Variants in ABTB2 observed in about 807,000 individuals in gnomAD.
ABTB2 encodes the protein ankyrin repeat and BTB domain containing 2, also known as ankyrin repeat and BTB/POZ domain-containing protein 2.
ABTB2 carries 56 observed loss-of-function variants against 104.1 expected under a neutral mutation model. That is an observed-to-expected ratio of 0.54 (90% CI 0.43 to 0.67). ABTB2 has a LOEUF of 0.67. Among genes scored for constraint, ABTB2 ranks in the 30% least tolerant of loss-of-function variants. The pLI is 0.00. For synonymous variants in ABTB2, 606 were observed against 608.2 expected, an observed-to-expected ratio of 1.00 and a Z score of 0.05; for missense variants, 1,279 against 1,407.7, an observed-to-expected ratio of 0.91 and a Z score of 1.46.
At chr11:34,199,325 C>G (rs1459386761) in intron 2 of ABTB2, among the ~76,000 whole-genome samples, 1 of 152,132 alleles carries the variant, frequency 6.6e-6, no homozygotes, top group African/African-American at 2.4e-5. Flanking sequence ...CCTCACTCCT[C>G]CCTACTCCTG....
At chr11:34,348,723 A>G (rs144018649) in intron 1 of ABTB2, among the ~76,000 whole-genome samples, 4 of 152,254 alleles carry the variant, frequency 2.6e-5, no homozygotes, top group African/African-American at 7.2e-5. Flanking sequence ...CTTCCAGAGG[A>G]GCTGGGAGGA....
At chr11:34,298,095 T>C (rs949200365) in intron 1 of ABTB2, among the ~76,000 whole-genome samples, 3 of 151,728 alleles carry the variant, frequency 2.0e-5, no homozygotes, top group Non-Finnish European at 2.9e-5. Flanking sequence ...GTTTTTTTTT[T>C]TTTTTAAATA....
intron 1 of ABTB2, among the ~76,000 whole-genome samples, chr11:34,342,520 T>C (rs888868494): frequency 2.0e-5 from 3 of 152,236 alleles, no homozygotes; most frequent in African/African-American, 4.8e-5. Flanking sequence ...GGCTGTGTCA[T>C]TGACTAGCTA....
At chr11:34,304,395 GC>G (rs1368143603) in intron 1 of ABTB2, among the ~76,000 whole-genome samples, 1 of 152,204 alleles carries the variant, frequency 6.6e-6, no homozygotes, top group Non-Finnish European at 1.5e-5. Flanking sequence ...ACAGGTGTAA[GC>G]CATTGCACCT....
intron 1 of ABTB2, among the ~76,000 whole-genome samples, chr11:34,304,301 G>T (rs1020804631): frequency 3.3e-5 from 5 of 152,142 alleles, no homozygotes; most frequent in African/African-American, 1.2e-4. Flanking sequence ...ATGGAGAACA[G>T]GATCTCACTA....
intron 4 of ABTB2, among the ~76,000 whole-genome samples, chr11:34,172,373 A>T (rs1198910396): frequency 5.6e-4 from 8 of 14,202 alleles, no homozygotes; most frequent in Admixed American, 4.2e-3. Context: ...CTCTGTCTCA[A>T]AAAAAAAAAA....
In ABTB2 at chr11:34,230,591, C is replaced by T. The variant is rs145829748; in HGVS notation, c.884-25901G>A. On this transcript the variant is annotated intron_variant, in intron 1 of 16. Coordinates refer to ENST00000435224, the MANE Select transcript of ABTB2 (RefSeq NM_145804.3). ...GTTGCCCCCTTACAGTCCCTAAATG[C>T]TGATGGCCCCTTCCTAAAGCATCTG... 2.6e-5 allele frequency among the ~76,000 whole-genome samples: 4 copies of T among 152,230 alleles called. No individual in the cohort carries two copies. The East Asian group carries it at 7.7e-4, about 29-fold the overall frequency.
At chr11:34,170,688 C>T (rs1039434531) in intron 5 of ABTB2, among the ~76,000 whole-genome samples, 3 of 152,192 alleles carry the variant, frequency 2.0e-5, no homozygotes, top group Admixed American at 6.5e-5. Flanking sequence ...GCCAGGGAAG[C>T]GGAAGCCACA....
intron 3 of ABTB2, among the ~76,000 whole-genome samples, chr11:34,185,197 T>C (rs1814471473): frequency 6.6e-6 from 1 of 152,212 alleles, no homozygotes; most frequent in African/African-American, 2.4e-5. Flanking sequence ...TAGAAACTTC[T>C]AGGAAGAAGC....
intron 3 of ABTB2, among the ~76,000 whole-genome samples, chr11:34,192,093 C>T (rs180727714): frequency 2.0e-5 from 3 of 152,274 alleles, no homozygotes; most frequent in Admixed American, 2.0e-4. Flanking sequence ...GATTTTGAGA[C>T]CAACCTGGGC....
chr11:34,283,264 G>A (rs897747469), intron 1 of ABTB2, among the ~76,000 whole-genome samples: 1 of 152,048 alleles, frequency 6.6e-6, no homozygotes, highest in African/African-American at 2.4e-5. Flanking sequence ...AACCCAGGCT[G>A]GAGTGCAGTG....
chr11:34,283,117 A>C, intron 1 of ABTB2, among the ~76,000 whole-genome samples: 1 of 143,318 alleles, frequency 7.0e-6, no homozygotes, highest in African/African-American at 2.6e-5. Flanking sequence ...ATGGGGTTTC[A>C]CAGTGTTAGC....
At chr11:34,316,558 C>G (rs146743625) in intron 1 of ABTB2, among the ~76,000 whole-genome samples, 2 of 152,228 alleles carry the variant, frequency 1.3e-5, no homozygotes, top group East Asian at 3.9e-4. Flanking sequence ...GAGTGGCAAA[C>G]GTGTTTGTCG....
Position 34,204,566 on chromosome 11 carries a change from G to C in ABTB2, c.1008C>G (p.Cys336Trp). Residue 336 changes from cysteine (C) to tryptophan (W), a missense_variant, in exon 2 of 17, where the codon TGC becomes TGG. Physicochemically the swap from Cys to Trp is radical, Grantham distance 215 (BLOSUM62 -2). Coordinates refer to ENST00000435224, the MANE Select transcript of ABTB2 (RefSeq NM_145804.3). ...TACTCAGCTCCGAGATGCTGCCCAC[G>C]CAGGTGGCCAGGAGGGACTGCTCCA... ...RTLEQSLLATCVGSISELSDL... is the reference protein window; with the variant it reads ...RTLEQSLLATWVGSISELSDL... The C allele has an allele frequency of 6.2e-7, 1 of 1,612,340 alleles. No homozygotes were observed.
At chr11:34,210,841 G>A (rs1362778993) in intron 1 of ABTB2, among the ~76,000 whole-genome samples, 2 of 152,194 alleles carry the variant, frequency 1.3e-5, no homozygotes, top group African/African-American at 2.4e-5. Context: ...TTAGGTGCGC[G>A]GGAAGCTTGG....
rs1295682440 is a variant in ABTB2, at chr11:34,171,074, G to A, written c.1398-3C>T. 3 of 1,613,666 alleles carry A rather than the reference G, an allele frequency of 1.9e-6. No homozygotes were observed. Among genetic ancestry groups the A allele is most frequent in the Non-Finnish European group, 2.5e-6 (3 of 1,179,780 alleles). ...AGGAACTGAAACAGTGTTCGGGTCT[G>A]CCCAGAAGAGACCCAAAGGTGCGTG... On this transcript the variant is annotated splice_region_variant and splice_polypyrimidine_tract_variant and intron_variant, in intron 4 of 16. Transcript: ENST00000435224.
At chr11:34,218,624 C>T (rs2092639) in intron 1 of ABTB2, among the ~76,000 whole-genome samples, 116,076 of 151,734 alleles carry the variant, frequency 0.76, 44,851 homozygotes, top group East Asian at 0.86. Context: ...CTGAGGTGGG[C>T]AGATCACCTG....
At chr11:34,260,673 G>A (rs977218455) in intron 1 of ABTB2, among the ~76,000 whole-genome samples, 10 of 152,208 alleles carry the variant, frequency 6.6e-5, no homozygotes, top group African/African-American at 2.4e-4. Flanking sequence ...TTATCTCACA[G>A]GTTTTCTTAA....
At chr11:34,152,666 A>C in intron 16 of ABTB2, 82 bp from the exon 17 acceptor site, 5 of 1,348,122 alleles carry the variant, frequency 3.7e-6, no homozygotes, top group Non-Finnish European at 5.1e-6. Context: ...CTACCTACCC[A>C]TGGCCACAGC....
Sources: allele counts gnomAD v4.1 joint callset (sites outside exome capture counted in the v4.1 genomes callset), GRCh38; gene constraint gnomAD v4.1.1; transcripts MANE v1.5; gene names NCBI Gene and HGNC (gene_info 2026-07-23, HGNC 2026-07-21).